The following ZFP28 variants were observed in gnomAD, a reference collection of about 807,000 sequenced individuals.
The protein encoded by ZFP28 is zinc finger protein 28 homolog.
Under a neutral mutation model 39.5 loss-of-function variants are expected in ZFP28, and 31 were observed. That is an observed-to-expected ratio of 0.79 (90% CI 0.59 to 1.06). The LOEUF (loss-of-function observed/expected upper bound fraction) is 1.06, where lower values mean the gene tolerates loss of function less well. Ranked by LOEUF, ZFP28 falls within the 50% of genes least tolerant of loss-of-function variation. ZFP28 has a pLI of 0.00. For synonymous variants in ZFP28, 400 were observed against 378.6 expected (o/e 1.06, Z -0.66); for missense variants, 925 against 1,048.4 (o/e 0.88, Z 1.63).
intron 2 of ZFP28, among the ~76,000 whole-genome samples, chr19:56,542,088 T>C (rs2044200532): frequency 6.6e-6 from 1 of 151,994 alleles, no homozygotes; most frequent in Admixed American, 6.6e-5. Flanking sequence ...TTTGCACTTA[T>C]TCATCAGCCA....
chr19:56,549,940 C>T, intron 5 of ZFP28, 127 bp from the exon 6 acceptor site: 3 of 656,510 alleles, frequency 4.6e-6, no homozygotes, highest in Non-Finnish European at 8.0e-6. Context: ...ACCTGGTGTA[C>T]CAGAACTTAA....
At chr19:56,545,303 C>T (rs906017413) in intron 2 of ZFP28, among the ~76,000 whole-genome samples, 1 of 152,204 alleles carries the variant, frequency 6.6e-6, no homozygotes, top group African/African-American at 2.4e-5. Context: ...TTGATATTCA[C>T]TCAAATTGGG....
chr19:56,553,905 C>T lies in ZFP28; in HGVS notation c.1120C>T (p.Arg374Cys), dbSNP rs752773058. 28 of 1,614,058 alleles carry T rather than the reference C, an allele frequency of 1.7e-5. No homozygotes were observed. The highest frequency in any genetic ancestry group is 5.5e-5 in the South Asian group (5 of 91,080). ...HNKTLSKERE[R>C]TYNKSGRWFY... ...CAAAACCCTCTCTAAGGAAAGAGAA[C>T]GTACATATAACAAATCTGGAAGATG... The change falls in exon 8 of 8, where the codon CGT (arginine) becomes TGT (cysteine). Residue 374 changes from arginine to cysteine, a missense_variant. Coordinates refer to ENST00000301318, the MANE Select transcript of ZFP28 (RefSeq NM_020828.2).
At chr19:56,549,745 C>T (rs2044278479) in intron 5 of ZFP28, among the ~76,000 whole-genome samples, 1 of 151,790 alleles carries the variant, frequency 6.6e-6, no homozygotes, top group Non-Finnish European at 1.5e-5. Flanking sequence ...AAGAGAAAAA[C>T]TCTGTGGACT....
intron 7 of ZFP28, 136 bp downstream of exon 7, chr19:56,550,741 C>A: frequency 5.8e-6 from 9 of 1,547,804 alleles, no homozygotes; most frequent in Non-Finnish European, 7.8e-6. Context: ...AAATTGAACT[C>A]TGGGAGTTCC....
At chr19:56,548,631 T>G (rs553671852) in intron 4 of ZFP28, among the ~76,000 whole-genome samples, 14 of 152,330 alleles carry the variant, frequency 9.2e-5, no homozygotes, top group African/African-American at 2.9e-4. Context: ...CATTTAAGTC[T>G]TTGTGAGCTC....
intron 2 of ZFP28, among the ~76,000 whole-genome samples, chr19:56,542,504 G>A (rs1454184342): frequency 6.6e-6 from 1 of 152,186 alleles, no homozygotes; most frequent in Non-Finnish European, 1.5e-5. Context: ...CATATAGGTG[G>A]ACCCTTGCAG....
Position 56,548,952 on chromosome 19 carries a change from T to C in ZFP28, c.524-6T>C, listed in dbSNP as rs1263817458. 1 of 1,607,804 alleles carries C rather than the reference T, an allele frequency of 6.2e-7. No individual in the cohort carries two copies. Among genetic ancestry groups the C allele is most frequent in the East Asian group, 2.2e-5 (1 of 44,772 alleles). Reference sequence around the variant, plus strand: ...AAGATAAATTTACCTTCTTTACGTCTTTCAGACTTGAAGGCTGTGTGGAAG... The same window carrying C: ...AAGATAAATTTACCTTCTTTACGTCCTTCAGACTTGAAGGCTGTGTGGAAG... On this transcript the variant is annotated splice_polypyrimidine_tract_variant and splice_region_variant and intron_variant, in intron 4 of 7. Transcript: ENST00000301318.
At chr19:56,553,472 C>G (rs1409232839) in intron 7 of ZFP28, among the ~76,000 whole-genome samples, 1 of 152,152 alleles carries the variant, frequency 6.6e-6, no homozygotes, top group Non-Finnish European at 1.5e-5. Flanking sequence ...CTCAAGTGAT[C>G]TGCCTCAGGT....
chr19:56,541,451 C>G (rs2044194475), intron 2 of ZFP28, among the ~76,000 whole-genome samples: 2 of 152,274 alleles, frequency 1.3e-5, no homozygotes, highest in Admixed American at 1.3e-4. Context: ...CTCACGCTCC[C>G]CACAGCCCCT....
At chr19:56,538,892 GC>G (rs931638573), upstream of ZFP28, 19 of 800,774 alleles carry the variant, frequency 2.4e-5, no homozygotes, top group African/African-American at 3.4e-4. Context: ...CCGCGGCGCG[GC>G]CCAGTGGATG....
At chr19:56,542,179 GTC>G (rs2044201148) in intron 2 of ZFP28, among the ~76,000 whole-genome samples, 1 of 151,944 alleles carries the variant, frequency 6.6e-6, no homozygotes, top group Admixed American at 6.6e-5. Context: ...TTGAGACAAG[GTC>G]TCACTCTGTC....
Position 56,555,215 on chromosome 19 carries a change from G to A in ZFP28, c.2430G>A (p.Glu810=), listed in dbSNP as rs1004709080. ...AACATAAGAGAGTTCATACTGGAGA[G>A]AGATCTTATAACTATAAGAAAAGCA... ...LNQHKRVHTG[E]RSYNYKKSRK... Residue 810 remains glutamate, a synonymous_variant, in exon 8 of 8, where the codon GAG becomes GAA. Transcript: ENST00000301318. The A allele has an allele frequency of 1.9e-6, 3 of 1,614,170 alleles. No individual in the cohort carries two copies. Among genetic ancestry groups the A allele is most frequent in the Non-Finnish European group, 2.5e-6 (3 of 1,180,034 alleles).
chr19:56,538,904 C>A, upstream of ZFP28: 1 of 959,594 alleles, frequency 1.0e-6, no homozygotes, highest in Non-Finnish European at 1.3e-6. Flanking sequence ...CCAGTGGATG[C>A]CGGGCCATGG....
chr19:56,539,083 G>A lies in ZFP28; in HGVS notation c.65G>A (p.Arg22His), dbSNP rs770418834. The change falls in exon 1 of 8, where the codon CGC (arginine) becomes CAC (histidine). Residue 22 changes from arginine to histidine, a missense_variant. By Grantham distance (29) the Arg-to-His change is conservative (BLOSUM62 0). This residue lies in a region of ZFP28 where 556 missense variants were observed against 542.9 expected (regional missense o/e 1.02). Coordinates refer to ENST00000301318, the MANE Select transcript of ZFP28 (RefSeq NM_020828.2). ...CCGCTCCCGGGTAGAGGCGCCCCCC[G>A]CACAAAGCCCCGGGCGGGCCGAGGC... ...PTPLPGRGAPRTKPRAGRGPT... is the reference protein window; with the variant it reads ...PTPLPGRGAPHTKPRAGRGPT... 9.1e-6 allele frequency: 14 copies of A among 1,533,126 alleles called. No individual in the cohort carries two copies. In the East Asian group the frequency reaches 3.4e-4, roughly 38 times the overall value. 95.0% of individuals were successfully genotyped at this position (1,533,126 alleles called of 1,614,324 possible).
rs1262269318 is a variant in ZFP28 at position 56,541,946 on chromosome 19, C to T, written c.300+2230C>T. On this transcript the variant is annotated intron_variant, in intron 2 of 7. Transcript: ENST00000301318. ...TTCACCATGTTGGCCAGGCTGGTCT[C>T]GATTTCCTGACCTCAAGTGATCCGC... is the stretch of plus-strand genomic sequence containing the variant. Among the ~76,000 whole-genome samples the T allele has an allele frequency of 2.3e-5, 3 of 130,914 alleles. No homozygotes were observed. The Admixed American group carries it at 2.6e-4, about 11-fold the overall frequency. The allele number at this position is 130,914 out of a possible 152,430, so 85.9% of individuals were successfully genotyped here.
intron 7 of ZFP28, 130 bp from the exon 8 acceptor site, chr19:56,553,554 T>G (rs2044323281): frequency 1.6e-6 from 2 of 1,248,682 alleles, no homozygotes; most frequent in Admixed American, 2.8e-5. Flanking sequence ...AATGTAATAG[T>G]TTTTAGAGCT....
chr19:56,543,847 G>A (rs924813235), intron 2 of ZFP28, among the ~76,000 whole-genome samples: 1 of 152,170 alleles, frequency 6.6e-6, no homozygotes, highest in South Asian at 2.1e-4. Context: ...TTGTTTCACT[G>A]TCAGGGTGAA....
At chr19:56,543,538 G>A (rs1173264787) in intron 2 of ZFP28, among the ~76,000 whole-genome samples, 2 of 151,868 alleles carry the variant, frequency 1.3e-5, no homozygotes, top group Non-Finnish European at 2.9e-5. Flanking sequence ...CTGAGTGGCT[G>A]GGCCTATAGG....
Sources: allele counts gnomAD v4.1 joint callset (sites outside exome capture counted in the v4.1 genomes callset), GRCh38; gene constraint gnomAD v4.1.1; regional missense constraint gnomAD v4.1.1; transcripts MANE v1.5; gene names NCBI Gene and HGNC (gene_info 2026-07-23, HGNC 2026-07-21).